ERBB4: variants seen among roughly 807,000 people sequenced by gnomAD.
ERBB4 encodes the protein receptor tyrosine-protein kinase erbB-4.
ERBB4 carries 42 observed loss-of-function variants against 158.0 expected under a neutral mutation model. That is an observed-to-expected ratio of 0.27 (90% CI 0.21 to 0.34). The LOEUF (loss-of-function observed/expected upper bound fraction) is 0.34. ERBB4 is among the 10% of genes least tolerant of loss of function. The pLI, the probability that ERBB4 is intolerant of heterozygous loss-of-function variation, is 1.00. For missense variants in ERBB4, 1,333 were observed against 1,624.1 expected, an observed-to-expected ratio of 0.82 and a Z score of 3.08; for synonymous variants, 583 against 558.7, an observed-to-expected ratio of 1.04 and a Z score of -0.61.
At chr2:212,198,479 C>T (rs1443532173) in intron 1 of ERBB4, among the ~76,000 whole-genome samples, 1 of 152,278 alleles carries the variant, frequency 6.6e-6, no homozygotes, top group African/African-American at 2.4e-5. Context: ...TAATATTTCT[C>T]ATTTTATGAC....
chr2:211,607,024 C>T (rs557491432), intron 19 of ERBB4, among the ~76,000 whole-genome samples: 45 of 152,170 alleles, frequency 3.0e-4, no homozygotes, highest in East Asian at 1.3e-3. Context: ...ATTATTTGTA[C>T]GCATTATACT....
intron 1 of ERBB4, among the ~76,000 whole-genome samples, chr2:212,400,071 G>A (rs932204893): frequency 1.1e-4 from 17 of 152,106 alleles, no homozygotes; most frequent in Admixed American, 6.6e-4. Flanking sequence ...TGGAAAAAGC[G>A]AAGCTAGAAG....
rs2076865975 is a variant in ERBB4 at position 211,815,555 on chromosome 2, A to T, written c.422-27396T>A. On this transcript the variant is annotated intron_variant, in intron 3 of 27. Coordinates refer to ENST00000342788, the MANE Select transcript of ERBB4 (RefSeq NM_005235.3). ...GGAATTTCAACCCCTCAAATATTCC[A>T]CTTTTAAGTCTACCAAAAATATTTA... Among the ~76,000 whole-genome samples, 3 of 152,188 alleles carry T rather than the reference A, an allele frequency of 2.0e-5. No homozygotes were observed. In the South Asian group the frequency reaches 6.2e-4, roughly 32 times the overall value.
rs200544105 is a variant in ERBB4, at chr2:212,110,398, CAT to C, written c.234+14352_234+14353del. Among the ~76,000 whole-genome samples the C allele has an allele frequency of 4.8e-4, 73 of 152,342 alleles. No homozygotes were observed. In the East Asian group the frequency reaches 0.013, roughly 27 times the overall value. ...ACCATATTCCTCTTTATTTGCACCA[CAT>C]GTTAGTTAGCTTGTGCCCTCTGCTT... On this transcript the variant is annotated intron_variant, in intron 2 of 27. Coordinates refer to ENST00000342788, the MANE Select transcript of ERBB4 (RefSeq NM_005235.3).
At chr2:211,687,304 C>CA (rs34737849) in intron 12 of ERBB4, among the ~76,000 whole-genome samples, 1,119 of 106,134 alleles carry the variant, frequency 0.011, 11 homozygotes, top group Non-Finnish European at 0.015. Flanking sequence ...GACTCCGTCT[C>CA]AAAAAAAAAA....
At chr2:212,397,914 G>A (rs2091077778) in intron 1 of ERBB4, among the ~76,000 whole-genome samples, 1 of 151,944 alleles carries the variant, frequency 6.6e-6, no homozygotes, top group Non-Finnish European at 1.5e-5. Flanking sequence ...GGGAGAAACT[G>A]ATAACTCTTT....
intron 2 of ERBB4, among the ~76,000 whole-genome samples, chr2:211,974,920 C>A (rs2081561037): frequency 1.3e-5 from 2 of 152,076 alleles, no homozygotes; most frequent in Non-Finnish European, 1.5e-5. Flanking sequence ...CTAATATAAC[C>A]AGATTTAATT....
At chr2:212,460,912 A>G (rs1337015323) in intron 1 of ERBB4, among the ~76,000 whole-genome samples, 1 of 152,194 alleles carries the variant, frequency 6.6e-6, no homozygotes, top group Non-Finnish European at 1.5e-5. Context: ...CTAAGAGGAA[A>G]AAGTGGTTTC....
intron 1 of ERBB4, among the ~76,000 whole-genome samples, chr2:212,316,279 T>TAC (rs1201293584): frequency 2.0e-5 from 3 of 151,270 alleles, no homozygotes; most frequent in African/African-American, 7.3e-5. Flanking sequence ...CACATGCATG[T>TAC]ACACACACAC....
chr2:211,709,274 T>TATATATATATACATATATATATATATAC (rs1553615210), intron 9 of ERBB4, among the ~76,000 whole-genome samples: 1 of 136,558 alleles, frequency 7.3e-6, no homozygotes, highest in African/African-American at 2.9e-5. Context: ...TATATATATA[T>TATATATATATACATATATATATATATAC]ACATACATAT....
At chr2:211,535,166 G>A (rs1027581585) in intron 20 of ERBB4, among the ~76,000 whole-genome samples, 1 of 151,886 alleles carries the variant, frequency 6.6e-6, no homozygotes, top group African/African-American at 2.4e-5. Flanking sequence ...ATAGTATGTG[G>A]CACCTTTTGT....
chr2:211,939,649 T>C (rs1033855396), intron 3 of ERBB4, among the ~76,000 whole-genome samples: 28 of 152,100 alleles, frequency 1.8e-4, no homozygotes, highest in Admixed American at 1.8e-3. Context: ...TCATTCCCTC[T>C]AAAATATAGA....
In ERBB4 at chr2:212,251,691, A is replaced by AT. The variant is rs201208341; in HGVS notation, c.83-126789dup. Among the ~76,000 whole-genome samples, 736 of 152,074 alleles carry AT rather than the reference A, an allele frequency of 4.8e-3. 7 individuals carry two copies. Among genetic ancestry groups the AT allele is most frequent in the Middle Eastern group, 0.017 (5 of 294 alleles). On this transcript the variant is annotated intron_variant, in intron 1 of 27. Transcript: ENST00000342788. ...GGGGTGTGCCCAATATATTTTAGGT[A>AT]TTTTTTAAAAAAAAGGTTAATACTT...
chr2:211,540,536 G>GT (rs752624696), intron 20 of ERBB4, among the ~76,000 whole-genome samples: 2 of 151,198 alleles, frequency 1.3e-5, no homozygotes, highest in Admixed American at 6.6e-5. Context: ...GTTTTTTGGT[G>GT]TTTTTTTGTT....
chr2:212,442,250 A>T (rs889781909), intron 1 of ERBB4, among the ~76,000 whole-genome samples: 5 of 152,132 alleles, frequency 3.3e-5, no homozygotes, highest in Admixed American at 3.3e-4. Context: ...ACAAAAGACT[A>T]ATTTGAATTA....
At chr2:211,536,948 A>G (rs1041625327) in intron 20 of ERBB4, among the ~76,000 whole-genome samples, 2 of 152,022 alleles carry the variant, frequency 1.3e-5, no homozygotes, top group Non-Finnish European at 2.9e-5. Flanking sequence ...ACAAAACAAA[A>G]AAAAACCACC....
intron 1 of ERBB4, among the ~76,000 whole-genome samples, chr2:212,208,469 A>G (rs926060279): frequency 2.0e-5 from 3 of 152,174 alleles, no homozygotes; most frequent in Non-Finnish European, 2.9e-5. Flanking sequence ...ACAAAGCTTG[A>G]AAGATATAAA....
chr2:212,468,962 A>G (rs1156877459), intron 1 of ERBB4, among the ~76,000 whole-genome samples: 1 of 152,240 alleles, frequency 6.6e-6, no homozygotes, highest in Non-Finnish European at 1.5e-5. Flanking sequence ...TCTCTGTATC[A>G]GTAGGCCATT....
At chr2:211,657,604 G>C (rs1004917818) in intron 16 of ERBB4, 150 bp downstream of exon 16, 10 of 700,162 alleles carry the variant, frequency 1.4e-5, no homozygotes, top group Non-Finnish European at 2.6e-5. Context: ...GCTTGAGAAG[G>C]AAAGTGTTTT....
Sources: allele counts gnomAD v4.1 joint callset (sites outside exome capture counted in the v4.1 genomes callset), GRCh38; gene constraint gnomAD v4.1.1; transcripts MANE v1.5; gene names NCBI Gene and HGNC (gene_info 2026-07-23, HGNC 2026-07-21).